Variants in GBP3 observed in about 807,000 individuals in gnomAD.
GBP3 encodes the protein guanylate binding protein 3, also known as guanylate-binding protein 3.
Under a neutral mutation model 62.4 loss-of-function variants are expected in GBP3, and 55 were observed. That is an observed-to-expected ratio of 0.88 (90% confidence interval 0.71 to 1.10). The LOEUF is 1.10. Among genes scored for constraint, GBP3 ranks in the 50% least tolerant of loss-of-function variants. GBP3 has a pLI of 0.00. For synonymous variants in GBP3, 208 were observed against 259.2 expected, an observed-to-expected ratio of 0.80 and a Z score of 1.90; for missense variants, 605 against 690.6, an observed-to-expected ratio of 0.88 and a Z score of 1.39.
chr1:89,019,579 G>C (rs540229999), intron 2 of GBP3, among the ~76,000 whole-genome samples: 1 of 152,160 alleles, frequency 6.6e-6, no homozygotes, highest in Non-Finnish European at 1.5e-5. Context: ...TGAGTGCCCA[G>C]CCAAAAAGGA....
At chr1:89,020,321 A>C (rs1679112403) in intron 2 of GBP3, 5 of 621,954 alleles carry the variant, frequency 8.0e-6, no homozygotes, top group Non-Finnish European at 1.4e-5. Flanking sequence ...ACTGTAACTC[A>C]TGGTGAACAG....
chr1:89,008,946 C>G lies in GBP3; in HGVS notation c.1659+1G>C. On this transcript the variant is annotated splice_donor_variant, in intron 10 of 10. Coordinates refer to ENST00000370481, the MANE Select transcript of GBP3 (RefSeq NM_018284.3). LOFTEE classifies it high-confidence loss of function. ...AACCACAAGGTGATGCATTTGGATACCTGAAGTTTACTAGTGAGGGTCTTC... is the reference window on the plus strand; with the variant it reads ...AACCACAAGGTGATGCATTTGGATAGCTGAAGTTTACTAGTGAGGGTCTTC... 1 of 1,614,030 alleles carries G rather than the reference C, an allele frequency of 6.2e-7. No individual in the cohort carries two copies.
chr1:89,022,026 A>G (rs1484397145), intron 1 of GBP3, among the ~76,000 whole-genome samples: 1 of 149,132 alleles, frequency 6.7e-6, no homozygotes, highest in Non-Finnish European at 1.5e-5. Context: ...CAGAGGAAAA[A>G]CTAGGCCACC....
rs773580735 is a variant in GBP3 at position 89,013,423 on chromosome 1, G to T, written c.630C>A (p.Thr210=). 6.2e-7 allele frequency: 1 copy of T among 1,603,814 alleles called. No individual in the cohort carries two copies. Residue 210 remains threonine, a synonymous_variant, in exon 6 of 11, where the codon ACC becomes ACA. Transcript: ENST00000370481. Reference sequence around the variant, plus strand: ...GATTAAAATTTTTATCTTTTTGACTGGTACCTAGAGAAACATAATAAAGAA... The same window carrying T: ...GATTAAAATTTTTATCTTTTTGACTTGTACCTAGAGAAACATAATAAAGAA... ...LEYSLKLTQG[T]SQKDKNFNLP... is the part of the protein sequence containing the mutation.
chr1:89,018,512 TG>T (rs1265926388), intron 2 of GBP3, among the ~76,000 whole-genome samples: 1 of 152,240 alleles, frequency 6.6e-6, no homozygotes, highest in Non-Finnish European at 1.5e-5. Context: ...CTTGTTTCTA[TG>T]GATTGTTTGT....
At chr1:89,020,240 GAA>G (rs368436919) in intron 2 of GBP3, 1 of 422,918 alleles carries the variant, frequency 2.4e-6, no homozygotes, top group Non-Finnish European at 4.5e-6. Flanking sequence ...CTTGTCTCAA[GAA>G]AAAAAAAGAC....
At chr1:89,017,937 T>C (rs1268874933) in intron 2 of GBP3, among the ~76,000 whole-genome samples, 1 of 151,904 alleles carries the variant, frequency 6.6e-6, no homozygotes, top group Non-Finnish European at 1.5e-5. Flanking sequence ...AACTGAGCCA[T>C]GCATGGTGGC....
chr1:89,008,846 C>T lies in GBP3; in HGVS notation c.1659+101G>A, dbSNP rs531689563. ...AAAGTACAAGTGAGCAAGCAAAATC[C>T]TTCCCCTGGGCTTTATGTTCGCTCT... On this transcript the variant is annotated intron_variant, in intron 10 of 10. Transcript: ENST00000370481. 18 of 1,564,908 alleles carry T rather than the reference C, an allele frequency of 1.2e-5. No homozygotes were observed. The African/African-American group carries it at 1.5e-4, about 13-fold the overall frequency.
intron 8 of GBP3, 25 bp downstream of exon 8, chr1:89,010,879 T>A: frequency 1.4e-6 from 2 of 1,461,754 alleles, no homozygotes; most frequent in Non-Finnish European, 1.9e-6. Flanking sequence ...CAGGTTTCCA[T>A]AATCGACAGA....
Position 89,013,410 on chromosome 1 carries a change from T to C in GBP3, c.643A>G (p.Lys215Glu), listed in dbSNP as rs745856317. 6.2e-7 allele frequency: 1 copy of C among 1,611,318 alleles called. No homozygotes were observed. The highest frequency in any genetic ancestry group is 1.3e-5 in the African/African-American group (1 of 74,612). Reference sequence around the variant, plus strand: ...CAGAGTCGGGGCAGATTAAAATTTTTATCTTTTTGACTGGTACCTAGAGAA... The same window carrying C: ...CAGAGTCGGGGCAGATTAAAATTTTCATCTTTTTGACTGGTACCTAGAGAA... ...KLTQGTSQKD[K>E]NFNLPRLCIR... Residue 215 changes from lysine (K) to glutamate (E), a missense_variant, in exon 6 of 11, where the codon AAA becomes GAA. This residue lies in a region of GBP3 where 308 missense variants were observed against 318.0 expected (regional missense o/e 0.97). Coordinates refer to ENST00000370481, the MANE Select transcript of GBP3 (RefSeq NM_018284.3).
Position 89,022,855 on chromosome 1 carries a change from G to T in GBP3, c.-194C>A, listed in dbSNP as rs1224226328. ...CTTTGTAATGGCTTCAGAGCCTAATGAAACTGAAAGTACTTCTTTCAAGGA... is the reference window on the plus strand; with the variant it reads ...CTTTGTAATGGCTTCAGAGCCTAATTAAACTGAAAGTACTTCTTTCAAGGA... On this transcript the variant is annotated 5_prime_UTR_variant, in exon 1 of 11. Coordinates refer to ENST00000370481, the MANE Select transcript of GBP3 (RefSeq NM_018284.3). The T allele has an allele frequency of 6.6e-6, 1 of 152,162 alleles. No individual in the cohort carries two copies. Among genetic ancestry groups the T allele is most frequent in the Non-Finnish European group, 1.5e-5 (1 of 68,036 alleles). 9.4% of individuals were successfully genotyped at this position (152,162 alleles called of 1,614,324 possible).
Position 89,008,975 on chromosome 1 carries a change from T to C in GBP3, c.1631A>G (p.Gln544Arg), listed in dbSNP as rs781574139. The C allele has an allele frequency of 1.9e-6, 3 of 1,614,182 alleles. No homozygotes were observed. The highest frequency in any genetic ancestry group is 2.2e-5 in the South Asian group (2 of 91,080). Residue 544 changes from glutamine (Q) to arginine (R), a missense_variant, in exon 10 of 11, where the codon CAA (glutamine) becomes CGA (arginine). Physicochemically the swap from Gln to Arg is conservative, Grantham distance 43 (BLOSUM62 1). Coordinates refer to ENST00000370481, the MANE Select transcript of GBP3 (RefSeq NM_018284.3). ...AAGTTTACTAGTGAGGGTCTTCTCT[T>C]GCTCTTCCAGCAACTGGGCCCTCTC... The part of the protein sequence containing the change: ...ERERAQLLEE[Q>R]EKTLTSKLQE...
At chr1:89,019,572 G>A (rs1372081030) in intron 2 of GBP3, among the ~76,000 whole-genome samples, 1 of 152,208 alleles carries the variant, frequency 6.6e-6, no homozygotes, top group Non-Finnish European at 1.5e-5. Context: ...ACAGCCATGA[G>A]TGCCCAGCCA....
chr1:89,014,563 C>A lies in GBP3; in HGVS notation c.412G>T (p.Ala138Ser), dbSNP rs769617406. The change falls in exon 4 of 11, where the codon GCT becomes TCT. Residue 138 changes from alanine (A) to serine (S), a missense_variant. Coordinates refer to ENST00000370481, the MANE Select transcript of GBP3 (RefSeq NM_018284.3). ...AAAGGATACTACAGTTGGTCCATAGCCTGCTGGTTGATGGTTCCCATGCTA... is the reference window on the plus strand; with the variant it reads ...AAAGGATACTACAGTTGGTCCATAGACTGCTGGTTGATGGTTCCCATGCTA... ...YNSMGTINQQ[A>S]MDQLYYVTEL... is the part of the protein sequence containing the mutation. 7 of 1,614,080 alleles carry A rather than the reference C, an allele frequency of 4.3e-6. No homozygotes were observed. The highest frequency in any genetic ancestry group is 5.9e-6 in the Non-Finnish European group (7 of 1,179,980).
intron 2 of GBP3, among the ~76,000 whole-genome samples, chr1:89,016,232 G>A (rs1678881469): frequency 6.6e-6 from 1 of 152,188 alleles, no homozygotes; most frequent in African/African-American, 2.4e-5. Context: ...AATTGGCCAG[G>A]CACAGTGGCT....
chr1:89,015,168 A>G (rs1426967434), intron 3 of GBP3, 119 bp downstream of exon 3: 1 of 1,061,738 alleles, frequency 9.4e-7, no homozygotes, highest in Non-Finnish European at 1.3e-6. Context: ...TGACATGTAC[A>G]CAGAAATGAA....
chr1:89,011,224 A>G lies in GBP3; in HGVS notation c.1150-108T>C. 1.4e-5 allele frequency: 19 copies of G among 1,322,858 alleles called. 3 individuals are homozygous for G. The highest frequency in any genetic ancestry group is 1.8e-5 in the Non-Finnish European group (17 of 946,212). 81.9% of individuals were successfully genotyped at this position (1,322,858 alleles called of 1,614,324 possible). A position where few individuals can be genotyped will look rare whatever the true frequency, so the allele number is the denominator to read the frequency against. Reference sequence around the variant, plus strand: ...AAATAAACAGTCAATGATGCCGGAGAAACTGACAGACTCCTCAGCAGGACC... The same window carrying G: ...AAATAAACAGTCAATGATGCCGGAGGAACTGACAGACTCCTCAGCAGGACC... On this transcript the variant is annotated intron_variant, in intron 7 of 10. Transcript: ENST00000370481.
Position 89,015,361 on chromosome 1 carries a change from A to G in GBP3, c.244T>C (p.Cys82Arg). The G allele has an allele frequency of 6.2e-7, 1 of 1,613,506 alleles. No homozygotes were observed. Among genetic ancestry groups the G allele is most frequent in the Non-Finnish European group, 8.5e-7 (1 of 1,179,578 alleles). ...TCTGGCTTTTTGGGGTGAGGCACAC[A>G]CCACATCCAGATTCCTTTGGTGTGA... ...KSHTKGIWMW[C>R]VPHPKKPEHT... is the part of the protein sequence containing the mutation. The change falls in exon 3 of 11, where the codon TGT (cysteine) becomes CGT (arginine). Residue 82 changes from cysteine (C) to arginine (R), a missense_variant. Physicochemically the swap from Cys to Arg is radical, Grantham distance 180. This residue lies in a region of GBP3 where 308 missense variants were observed against 318.0 expected (regional missense o/e 0.97). Transcript: ENST00000370481.
chr1:89,011,933 C>T lies in GBP3; in HGVS notation c.963G>A (p.Glu321=). The T allele has an allele frequency of 6.8e-7, 1 of 1,462,418 alleles. No individual in the cohort carries two copies. Among genetic ancestry groups the T allele is most frequent in the South Asian group, 1.2e-5 (1 of 84,780 alleles). 90.6% of individuals were successfully genotyped at this position (1,462,418 alleles called of 1,614,324 possible). Residue 321 remains glutamate, a synonymous_variant, in exon 7 of 11, where the codon GAG becomes GAA. Coordinates refer to ENST00000370481, the MANE Select transcript of GBP3 (RefSeq NM_018284.3). ...TAGCCTTTTGCACTGCGGCTGAGTT[C>T]TCTATCTGGGCCAAGGCCAGGACTG... is the stretch of plus-strand genomic sequence containing the variant. ...ENAVLALAQI[E]NSAAVQKAIA... is the part of the protein sequence containing the mutation.
Sources: allele counts gnomAD v4.1 joint callset (sites outside exome capture counted in the v4.1 genomes callset), GRCh38; gene constraint gnomAD v4.1.1; regional missense constraint gnomAD v4.1.1; transcripts MANE v1.5; gene names NCBI Gene and HGNC (gene_info 2026-07-23, HGNC 2026-07-21).